Variants in SVEP1 observed in about 807,000 individuals in gnomAD.
SVEP1 encodes sushi, von Willebrand factor type A, EGF and pentraxin domain containing 1, also known as sushi, von Willebrand factor type A, EGF and pentraxin domain-containing protein 1.
A neutral mutation model predicts 367.3 loss-of-function variants in SVEP1; 164 were observed. The ratio of observed to expected loss-of-function variants is 0.45; its 90% CI spans 0.39 to 0.51. The LOEUF is 0.51. Ranked by LOEUF, SVEP1 falls within the 20% of genes least tolerant of loss-of-function variation. SVEP1 has a pLI of 0.00. For synonymous variants in SVEP1, 1,666 were observed against 1,611.6 expected (o/e 1.03, Z -0.81); for missense variants, 4,117 against 4,425.3 (o/e 0.93, Z 1.98).
At chr9:110,417,117 G>A (rs1240476428) in intron 36 of SVEP1, among the ~76,000 whole-genome samples, 4 of 152,128 alleles carry the variant, frequency 2.6e-5, no homozygotes, top group African/African-American at 9.7e-5. Context: ...GAGGAGCCAA[G>A]ATGGCCGAAT....
At chr9:110,458,658 G>T in intron 19 of SVEP1, 96 bp from the exon 20 acceptor site, 1 of 1,205,156 alleles carries the variant, frequency 8.3e-7, no homozygotes, top group Admixed American at 2.6e-5. Context: ...GTCAGAGTGG[G>T]TAAAGCCACA....
chr9:110,549,894 T>C lies in SVEP1; in HGVS notation c.742A>G (p.Ser248Gly), dbSNP rs754311771. The C allele has an allele frequency of 8.1e-6, 13 of 1,613,908 alleles. No individual in the cohort carries two copies. Among genetic ancestry groups the C allele is most frequent in the South Asian group, 7.7e-5 (7 of 91,070 alleles). The change falls in exon 2 of 48, where the codon AGT (serine) becomes GGT (glycine). Residue 248 changes from serine to glycine, a missense_variant. Ser to Gly is a moderately conservative substitution (Grantham distance 56). Transcript: ENST00000374469. ...GCTAAAGCCTCAAATTCTTCAAAACTGTGTAGCAGGTAACAGTGCTCCTCC... is the reference window on the plus strand; with the variant it reads ...GCTAAAGCCTCAAATTCTTCAAAACCGTGTAGCAGGTAACAGTGCTCCTCC... ...PKEEHCYLLH[S>G]FEEFEALARR... is the part of the protein sequence containing the mutation.
At chr9:110,489,808 G>C in intron 8 of SVEP1, 29 bp from the exon 9 acceptor site, 1 of 1,582,084 alleles carries the variant, frequency 6.3e-7, no homozygotes, top group Non-Finnish European at 8.6e-7. Context: ...TATTTTGAAA[G>C]TTAATGTCAA....
chr9:110,527,644 T>A (rs1436104747), intron 3 of SVEP1, among the ~76,000 whole-genome samples: 3 of 152,102 alleles, frequency 2.0e-5, no homozygotes, highest in Non-Finnish European at 4.4e-5. Context: ...TTGTGCATAT[T>A]TACTTATGTT....
intron 5 of SVEP1, among the ~76,000 whole-genome samples, chr9:110,504,156 G>A (rs887275258): frequency 2.0e-5 from 3 of 151,720 alleles, no homozygotes; most frequent in African/African-American, 7.3e-5. Context: ...CTGGGTTCAC[G>A]CCATTCTCCT....
chr9:110,390,160 TACTTATATAAGTATGTATGTATATATAC>T (rs1401194145), intron 40 of SVEP1, among the ~76,000 whole-genome samples: 2 of 115,992 alleles, frequency 1.7e-5, no homozygotes, highest in African/African-American at 6.3e-5. Flanking sequence ...TATACATACA[TACTTATATAAGTATGTATGTATATATAC>T]ACTTATATAA....
At chr9:110,402,945 G>A (rs1239503900) in intron 39 of SVEP1, among the ~76,000 whole-genome samples, 3 of 152,098 alleles carry the variant, frequency 2.0e-5, no homozygotes, top group African/African-American at 4.8e-5. Flanking sequence ...TGGTTCTTGA[G>A]TCCCTACTAT....
intron 45 of SVEP1, 25 bp downstream of exon 45, chr9:110,377,246 A>AAG (rs774710669): frequency 6.2e-7 from 1 of 1,607,002 alleles, no homozygotes; most frequent in Non-Finnish European, 8.5e-7. Context: ...TCAGGACTCA[A>AAG]AGTAAGATCT....
At chr9:110,559,804 T>G (rs181610248) in intron 1 of SVEP1, among the ~76,000 whole-genome samples, 1 of 152,030 alleles carries the variant, frequency 6.6e-6, no homozygotes, top group Non-Finnish European at 1.5e-5. Flanking sequence ...AGAAACAATA[T>G]AAAGTTCCAA....
Position 110,406,343 on chromosome 9 carries a change from A to G in SVEP1, c.9257T>C (p.Ile3086Thr), listed in dbSNP as rs1477736763. 3 of 1,613,964 alleles carry G rather than the reference A, an allele frequency of 1.9e-6. No homozygotes were observed. The highest frequency in any genetic ancestry group is 1.7e-5 in the Admixed American group (1 of 60,008). The change falls in exon 38 of 48, where the codon ATA becomes ACA. Residue 3086 changes from isoleucine (I) to threonine (T), a missense_variant. Around this residue, in one of 4 missense-constraint regions of SVEP1, gnomAD observed 1,765 missense variants for 1,781.1 expected, o/e 0.99. Transcript: ENST00000374469. Reference sequence around the variant, plus strand: ...ATATCCAGACCTGCAGCTGTAAGTTATCACATTTTCCTTCCAAGAGCTGGT... The same window carrying G: ...ATATCCAGACCTGCAGCTGTAAGTTGTCACATTTTCCTTCCAAGAGCTGGT... ...SETSSWKENV[I>T]TYSCRSGYVI...
intron 36 of SVEP1, among the ~76,000 whole-genome samples, chr9:110,413,506 C>A (rs1031727223): frequency 2.0e-5 from 3 of 151,150 alleles, no homozygotes; most frequent in Non-Finnish European, 4.4e-5. Context: ...CTAACCTGCA[C>A]AATGTGCACA....
At chr9:110,366,655 A>C in intron 47 of SVEP1, 95 bp from the exon 48 acceptor site, 2 of 1,263,170 alleles carry the variant, frequency 1.6e-6, no homozygotes, top group Non-Finnish European at 2.1e-6. Flanking sequence ...AACAGGATTG[A>C]AAGTCCCAGA....
chr9:110,435,111 C>T (rs1009521305), intron 29 of SVEP1, 130 bp downstream of exon 29: 2 of 973,392 alleles, frequency 2.1e-6, no homozygotes, highest in Admixed American at 3.7e-5. Flanking sequence ...ATATGAATTA[C>T]TAGTTACAAA....
Position 110,579,501 on chromosome 9 carries a change from C to G in SVEP1, c.43G>C (p.Val15Leu), listed in dbSNP as rs1830668502. ...LAFCCWGLAL[V>L]SGWATFQQMS... ...TGCTGAAAGGTCGCCCAGCCCGAAA[C>G]GAGCGCCAGACCCCAGCAACAAAAG... The change falls in exon 1 of 48, where the codon GTT (valine) becomes CTT (leucine). Residue 15 changes from valine (V) to leucine (L), a missense_variant. Around this residue, in one of 4 missense-constraint regions of SVEP1, gnomAD observed 17 missense variants for 27.5 expected, o/e 0.62. Coordinates refer to ENST00000374469, the MANE Select transcript of SVEP1 (RefSeq NM_153366.4). This position sits in a 1 kb window ranked among gnomAD's most constrained non-coding sequence, Gnocchi z 5.3. 1 of 1,605,592 alleles carries G rather than the reference C, an allele frequency of 6.2e-7. No individual in the cohort carries two copies. Among genetic ancestry groups the G allele is most frequent in the African/African-American group, 1.3e-5 (1 of 74,574 alleles).
intron 3 of SVEP1, among the ~76,000 whole-genome samples, chr9:110,530,126 G>T (rs1369465539): frequency 1.3e-5 from 2 of 152,066 alleles, no homozygotes; most frequent in African/African-American, 2.4e-5. Flanking sequence ...CGTGGTTTTT[G>T]TATTTAGTTT....
intron 3 of SVEP1, among the ~76,000 whole-genome samples, chr9:110,519,780 TG>T (rs1829854431): frequency 6.6e-6 from 1 of 152,052 alleles, no homozygotes; most frequent in Non-Finnish European, 1.5e-5. Flanking sequence ...CAGAATGAAG[TG>T]AAGGGACAGT....
In SVEP1 at chr9:110,555,156, C is replaced by T. The variant is rs567801239; in HGVS notation, c.532-5052G>A. On this transcript the variant is annotated intron_variant, in intron 1 of 47. Coordinates refer to ENST00000374469, the MANE Select transcript of SVEP1 (RefSeq NM_153366.4). ...GATTACTGCTTCTTCTACAAGGTCA[C>T]AGCAGTTAACTGTAAGCAAGACATT... Among the ~76,000 whole-genome samples the T allele has an allele frequency of 1.1e-4, 17 of 150,754 alleles. 1 individual carries two copies. In the South Asian group the frequency reaches 3.6e-3, roughly 31 times the overall value.
intron 35 of SVEP1, among the ~76,000 whole-genome samples, chr9:110,428,839 G>A (rs1010882912): frequency 1.3e-5 from 2 of 152,178 alleles, no homozygotes; most frequent in Admixed American, 1.3e-4. Flanking sequence ...GGGAGGTTGA[G>A]GCAGGTGGAT....
intron 5 of SVEP1, among the ~76,000 whole-genome samples, chr9:110,503,869 T>C (rs1829580027): frequency 2.6e-5 from 4 of 152,278 alleles, no homozygotes; most frequent in African/African-American, 9.6e-5. Context: ...TAGAGGCTTA[T>C]AGTTGCCCAC....
Sources: allele counts gnomAD v4.1 joint callset (sites outside exome capture counted in the v4.1 genomes callset), GRCh38; gene constraint gnomAD v4.1.1; regional missense constraint gnomAD v4.1.1; non-coding constraint Gnocchi (gnomAD v3.1); transcripts MANE v1.5; gene names NCBI Gene and HGNC (gene_info 2026-07-23, HGNC 2026-07-21).